AZI2: variants seen among roughly 807,000 people sequenced by gnomAD.
The protein encoded by AZI2 is 5-azacytidine induced 2, also known as 5-azacytidine-induced protein 2.
AZI2 carries 22 observed loss-of-function variants against 45.8 expected under a neutral mutation model. The ratio of observed to expected loss-of-function variants is 0.48; its 90% confidence interval spans 0.34 to 0.69. The LOEUF is 0.69. AZI2 is among the 30% of genes least tolerant of loss of function. The pLI is 0.01. For synonymous variants in AZI2, 137 were observed against 156.7 expected (o/e 0.87, Z 0.94); for missense variants, 417 against 441.5 (o/e 0.94, Z 0.50).
chr3:28,330,303 A>G (rs1360437760), intron 6 of AZI2, among the ~76,000 whole-genome samples: 1 of 151,358 alleles, frequency 6.6e-6, no homozygotes, highest in Non-Finnish European at 1.5e-5. Flanking sequence ...ACAGTATACT[A>G]CACCTCATTT....
At chr3:28,340,918 TA>T (rs1011540799) in intron 1 of AZI2, among the ~76,000 whole-genome samples, 7 of 152,058 alleles carry the variant, frequency 4.6e-5, no homozygotes, top group Non-Finnish European at 8.8e-5. Flanking sequence ...GTATGTTCTA[TA>T]AAAATCTGAA....
At chr3:28,340,292 T>C in intron 2 of AZI2, 110 bp downstream of exon 2, 1 of 755,532 alleles carries the variant, frequency 1.3e-6, no homozygotes, top group Admixed American at 2.8e-5. Context: ...GAGTTATTCT[T>C]GGAAATTTAG....
chr3:28,331,840 G>A, intron 6 of AZI2: 3 of 1,544,824 alleles, frequency 1.9e-6, no homozygotes, highest in Non-Finnish European at 2.6e-6. Flanking sequence ...GGTTGAAAAA[G>A]TATATGAACT....
At chr3:28,346,099 A>G (rs1049847698) in intron 1 of AZI2, among the ~76,000 whole-genome samples, 1 of 152,156 alleles carries the variant, frequency 6.6e-6, no homozygotes, top group African/African-American at 2.4e-5. Context: ...TCAGAAGTCT[A>G]TGGTCTTAAT....
rs750367749 is a variant in AZI2 at position 28,332,352 on chromosome 3, C to A, written c.647+17G>T. 1.6e-5 allele frequency: 25 copies of A among 1,593,110 alleles called. No homozygotes were observed. Among genetic ancestry groups the A allele is most frequent in the Non-Finnish European group, 2.0e-5 (23 of 1,162,508 alleles). On this transcript the variant is annotated intron_variant, in intron 6 of 7. Transcript: ENST00000479665. ...AAGAAGACAACGTATTGTCTTAATG[C>A]TGAAGAGTGGTCATACCTTGAAATG...
At chr3:28,337,892 A>G (rs1487431979) in intron 4 of AZI2, 45 bp downstream of exon 4, 2 of 1,236,338 alleles carry the variant, frequency 1.6e-6, no homozygotes, top group African/African-American at 1.5e-5. Context: ...AAATGGAAAA[A>G]TATGTTAATT....
intron 3 of AZI2, among the ~76,000 whole-genome samples, chr3:28,338,274 G>A (rs73825133): frequency 0.027 from 3,977 of 149,604 alleles, 153 homozygotes; most frequent in African/African-American, 0.087. Flanking sequence ...AAAATAAGTC[G>A]GTGGTGTTAG....
rs1366012727 is a variant in AZI2 at position 28,321,342 on chromosome 3, T to G, written c.*2700A>C. ...TGAAATATACAATCTATTTTATAGC[T>G]TTGATTAAAATCAGAAGTAGCCCAC... On this transcript the variant is annotated 3_prime_UTR_variant, in exon 8 of 8. Transcript: ENST00000479665. The G allele has an allele frequency of 6.6e-6, 1 of 151,490 alleles. No individual in the cohort carries two copies. The highest frequency in any genetic ancestry group is 1.5e-5 in the Non-Finnish European group (1 of 67,592). The allele number at this position is 151,490 out of a possible 1,614,324, so 9.4% of individuals were successfully genotyped here.
chr3:28,331,965 AAAAAAC>A, intron 6 of AZI2: 2 of 1,462,800 alleles, frequency 1.4e-6, no homozygotes, highest in Non-Finnish European at 9.3e-7. Context: ...CTCAAAAAAC[AAAAAAC>A]AAAAAAAAAT....
chr3:28,341,869 G>A (rs950582600), intron 1 of AZI2, among the ~76,000 whole-genome samples: 1 of 152,052 alleles, frequency 6.6e-6, no homozygotes, highest in Non-Finnish European at 1.5e-5. Context: ...ATCAGTCACT[G>A]TTCAAGAACA....
intron 1 of AZI2, among the ~76,000 whole-genome samples, chr3:28,343,509 A>G (rs1288785857): frequency 2.0e-5 from 3 of 152,136 alleles, no homozygotes; most frequent in African/African-American, 7.2e-5. Context: ...GGACATGATT[A>G]AAGGGTGTGA....
chr3:28,328,019 GTTTATA>G (rs552621345), intron 6 of AZI2, among the ~76,000 whole-genome samples: 185 of 149,802 alleles, frequency 1.2e-3, no homozygotes, highest in African/African-American at 4.2e-3. Context: ...ACAGAATATA[GTTTATA>G]TTTAATATAT....
At chr3:28,331,918 C>T (rs773547572) in intron 6 of AZI2, 28 of 1,546,638 alleles carry the variant, frequency 1.8e-5, no homozygotes, top group East Asian at 1.2e-4. Flanking sequence ...CCCATGATTG[C>T]GCCACTGCAC....
chr3:28,338,638 G>T, intron 2 of AZI2, 23 bp from the exon 3 acceptor site: 1 of 1,598,802 alleles, frequency 6.3e-7, no homozygotes, highest in Non-Finnish European at 8.5e-7. Context: ...AATTAGAAGA[G>T]AAAGCTTAAG....
chr3:28,325,592 C>T (rs17021371), intron 7 of AZI2, among the ~76,000 whole-genome samples: 2,214 of 150,776 alleles, frequency 0.015, 56 homozygotes, highest in African/African-American at 0.05. Flanking sequence ...TCCAAAGCAC[C>T]GAAAAATATT....
chr3:28,328,094 C>T (rs1486072268), intron 6 of AZI2, among the ~76,000 whole-genome samples: 1 of 150,706 alleles, frequency 6.6e-6, no homozygotes, highest in Non-Finnish European at 1.5e-5. Context: ...ATAAACTTTA[C>T]ACTGCTTTTC....
At chr3:28,326,747 G>A in intron 7 of AZI2, 85 bp downstream of exon 7, 1 of 1,015,748 alleles carries the variant, frequency 9.8e-7, no homozygotes, top group South Asian at 1.3e-5. Flanking sequence ...TCTCTCATTT[G>A]ATGAGATTTT....
chr3:28,327,632 A>G (rs1703433249), intron 6 of AZI2, among the ~76,000 whole-genome samples: 1 of 150,994 alleles, frequency 6.6e-6, no homozygotes, highest in Admixed American at 6.6e-5. Context: ...TTTATAATTA[A>G]AAGTATTTTA....
At chr3:28,324,669 C>G (rs775767513) in intron 7 of AZI2, 3 of 396,378 alleles carry the variant, frequency 7.6e-6, no homozygotes, top group Non-Finnish European at 1.3e-5. Context: ...ATATTTGTCT[C>G]TTAGCTGCTC....
Sources: allele counts gnomAD v4.1 joint callset (sites outside exome capture counted in the v4.1 genomes callset), GRCh38; gene constraint gnomAD v4.1.1; transcripts MANE v1.5; gene names NCBI Gene and HGNC (gene_info 2026-07-23, HGNC 2026-07-21).